CCBE1: variants seen among roughly 807,000 people sequenced by gnomAD.
CCBE1 encodes collagen and calcium binding EGF domains 1.
CCBE1 carries 37 observed loss-of-function variants against 50.0 expected under a neutral mutation model. That is an observed-to-expected ratio of 0.74 (90% CI 0.57 to 0.97). The LOEUF is 0.97. Among genes scored for constraint, CCBE1 ranks in the 50% least tolerant of loss-of-function variants. The pLI is 0.00. For missense variants in CCBE1, 538 were observed against 523.8 expected (o/e 1.03, Z -0.26); for synonymous variants, 234 against 203.7 (o/e 1.15, Z -1.27).
At chr18:59,552,050 G>C (rs1018000159) in intron 2 of CCBE1, among the ~76,000 whole-genome samples, 1 of 152,200 alleles carries the variant, frequency 6.6e-6, no homozygotes, top group Non-Finnish European at 1.5e-5. Flanking sequence ...GAGGGTATAA[G>C]ATGGCCTCAA....
chr18:59,606,392 A>G (rs2053499501), intron 2 of CCBE1, among the ~76,000 whole-genome samples: 1 of 152,168 alleles, frequency 6.6e-6, no homozygotes, highest in African/African-American at 2.4e-5. Context: ...CTGGCTTTCT[A>G]TGCACTTTCC....
rs561721546 is a variant in CCBE1, at chr18:59,665,330, T to C, written c.212+31299A>G. The stretch of plus-strand genomic sequence containing the variant: ...ACAGAAGGTGTATTGACTTCAGCTC[T>C]GTTCATTCGCATTAAAGGCCTCCAG... On this transcript the variant is annotated intron_variant, in intron 2 of 10. Transcript: ENST00000439986. Among the ~76,000 whole-genome samples the C allele has an allele frequency of 1.3e-5, 2 of 152,220 alleles. 1 individual carries two copies. Among genetic ancestry groups the C allele is most frequent in the East Asian group, 3.8e-4 (2 of 5,206 alleles).
chr18:59,439,835 T>A lies in CCBE1; in HGVS notation c.776-19A>T, dbSNP rs374642289. ...GGTGAGCCTGTAATCAAAGAACACC[T>A]CATTAGCTCACAGCACATGAGAAGG... On this transcript the variant is annotated intron_variant, in intron 7 of 10. Transcript: ENST00000439986. The A allele has an allele frequency of 8.3e-5, 134 of 1,612,446 alleles. No individual in the cohort carries two copies. In the African/African-American group the frequency reaches 1.7e-3, roughly 21 times the overall value.
intron 2 of CCBE1, among the ~76,000 whole-genome samples, chr18:59,487,046 A>T (rs1049760443): frequency 6.6e-6 from 1 of 150,772 alleles, no homozygotes; most frequent in Admixed American, 6.6e-5. Flanking sequence ...AGAAGTCCCA[A>T]ATGTTTTTAA....
intron 2 of CCBE1, among the ~76,000 whole-genome samples, chr18:59,609,473 T>C (rs2053543261): frequency 6.6e-6 from 1 of 152,180 alleles, no homozygotes; most frequent in Non-Finnish European, 1.5e-5. Flanking sequence ...GCTCAACCAG[T>C]AGACCAAACC....
chr18:59,689,934 T>C (rs1330909875), intron 2 of CCBE1, among the ~76,000 whole-genome samples: 1 of 152,192 alleles, frequency 6.6e-6, no homozygotes, highest in Non-Finnish European at 1.5e-5. Flanking sequence ...GGGATTTCTG[T>C]TGCTGAAAGG....
intron 2 of CCBE1, among the ~76,000 whole-genome samples, chr18:59,615,195 AG>A (rs2053620959): frequency 6.6e-6 from 1 of 152,212 alleles, no homozygotes; most frequent in South Asian, 2.1e-4. Context: ...GGAAGTGACC[AG>A]GGGAAAACAC....
At chr18:59,463,175 C>T (rs753514305) in intron 5 of CCBE1, among the ~76,000 whole-genome samples, 2 of 151,936 alleles carry the variant, frequency 1.3e-5, no homozygotes, top group Admixed American at 6.6e-5. Context: ...TTTCCTTCCC[C>T]CTTTCCCACC....
intron 2 of CCBE1, among the ~76,000 whole-genome samples, chr18:59,680,630 G>A (rs917742696): frequency 6.6e-6 from 1 of 151,318 alleles, no homozygotes; most frequent in East Asian, 2.0e-4. Flanking sequence ...CCCGGGAGGC[G>A]GAGGTTGCAG....
At chr18:59,529,481 G>C (rs763109025) in intron 2 of CCBE1, among the ~76,000 whole-genome samples, 2 of 152,232 alleles carry the variant, frequency 1.3e-5, no homozygotes, top group Non-Finnish European at 1.5e-5. Flanking sequence ...CCAAGGCCCT[G>C]GTGGTGTGGG....
At chr18:59,694,105 C>T (rs562571760) in intron 2 of CCBE1, among the ~76,000 whole-genome samples, 26 of 152,136 alleles carry the variant, frequency 1.7e-4, no homozygotes, top group African/African-American at 5.5e-4. Flanking sequence ...CTCTTGACCT[C>T]ATGACCCACC....
chr18:59,680,539 A>C (rs2054573780), intron 2 of CCBE1, among the ~76,000 whole-genome samples: 1 of 151,728 alleles, frequency 6.6e-6, no homozygotes, highest in Non-Finnish European at 1.5e-5. Context: ...TCTACTAAAA[A>C]CACAAAAAAT....
At chr18:59,443,508 C>T (rs1309703942) in intron 7 of CCBE1, among the ~76,000 whole-genome samples, 1 of 151,282 alleles carries the variant, frequency 6.6e-6, no homozygotes, top group Non-Finnish European at 1.5e-5. Context: ...GCTCTGTCAC[C>T]TAGGCTGGAG....
chr18:59,592,827 A>T (rs2144539953), intron 2 of CCBE1, among the ~76,000 whole-genome samples: 1 of 152,350 alleles, frequency 6.6e-6, no homozygotes, highest in Middle Eastern at 3.4e-3. Context: ...ACGAGTGCAC[A>T]GTCAGCAAAA....
chr18:59,630,834 C>T (rs985289101), intron 2 of CCBE1, among the ~76,000 whole-genome samples: 4 of 152,206 alleles, frequency 2.6e-5, no homozygotes, highest in Admixed American at 2.0e-4. Flanking sequence ...TTCAGGTGCT[C>T]ACTGGCCTCC....
intron 2 of CCBE1, among the ~76,000 whole-genome samples, chr18:59,671,142 A>T (rs2054424092): frequency 6.6e-6 from 1 of 152,078 alleles, no homozygotes. Context: ...GGGGAAAGGG[A>T]GGCAGTAGCT....
intron 2 of CCBE1, among the ~76,000 whole-genome samples, chr18:59,576,260 A>C (rs2144497931): frequency 6.6e-6 from 1 of 152,322 alleles, no homozygotes; most frequent in East Asian, 1.9e-4. Context: ...GTGTGTGAAC[A>C]AATGTTTTCA....
chr18:59,566,127 C>T (rs2052822630), intron 2 of CCBE1, among the ~76,000 whole-genome samples: 1 of 152,190 alleles, frequency 6.6e-6, no homozygotes, highest in Non-Finnish European at 1.5e-5. Context: ...ACCGTGGCTA[C>T]CAGGGTGCCC....
At chr18:59,555,173 G>A (rs1483360575) in intron 2 of CCBE1, among the ~76,000 whole-genome samples, 2 of 152,112 alleles carry the variant, frequency 1.3e-5, no homozygotes, top group East Asian at 3.8e-4. Context: ...TCAGAATTTG[G>A]AACACTTTTT....
Sources: gnomAD v4.1 joint callset for allele counts (sites outside exome capture counted in the v4.1 genomes callset) on GRCh38, gnomAD v4.1.1 for gene constraint, MANE v1.5 for transcripts, NCBI Gene and HGNC (gene_info 2026-07-23, HGNC 2026-07-21) for gene names.